The following SAMD3 variants were observed in gnomAD, a reference collection of about 807,000 sequenced individuals.
SAMD3 encodes the protein sterile alpha motif domain containing 3, also known as sterile alpha motif domain-containing protein 3.
A neutral mutation model predicts 58.5 loss-of-function variants in SAMD3; 63 were observed. The observed-to-expected ratio is 1.08, with a 90% CI of 0.88 to 1.33. The LOEUF (loss-of-function observed/expected upper bound fraction) is 1.33. SAMD3 is among the 40% of genes most tolerant of loss of function. The pLI is 0.00. For missense variants in SAMD3, 604 were observed against 608.4 expected (o/e 0.99, Z 0.08); for synonymous variants, 220 against 210.3 (o/e 1.05, Z -0.40).
At chr6:130,213,531 T>C (rs1404046601) in intron 4 of SAMD3, among the ~76,000 whole-genome samples, 1 of 152,090 alleles carries the variant, frequency 6.6e-6, no homozygotes, top group East Asian at 1.9e-4. Flanking sequence ...AAAACATAGA[T>C]TTTATCAATC....
In SAMD3 at chr6:130,203,371, G is replaced by A. The variant is rs954908332; in HGVS notation, c.383+6124C>T. 3.3e-5 allele frequency among the ~76,000 whole-genome samples: 5 copies of A among 152,300 alleles called. No individual in the cohort carries two copies. The East Asian group carries it at 9.6e-4, about 29-fold the overall frequency. ...GTCCAAGGTTACTCAGCTGGTAAAT[G>A]ACAGAGCTAGGGTTTAAAACTAAAC... On this transcript the variant is annotated intron_variant, in intron 5 of 11. Coordinates refer to ENST00000439090, the MANE Select transcript of SAMD3 (RefSeq NM_001017373.4).
At chr6:130,144,074 TC>T, downstream of SAMD3, 1 of 160,456 alleles carries the variant, frequency 6.2e-6, no homozygotes, top group Non-Finnish European at 1.4e-5. Context: ...AGAGTATGTG[TC>T]CCTTCTTGAA....
intron 1 of SAMD3, among the ~76,000 whole-genome samples, chr6:130,222,057 T>G (rs1280325083): frequency 1.3e-5 from 2 of 152,236 alleles, no homozygotes; most frequent in Admixed American, 6.5e-5. Context: ...TGTCATATTA[T>G]TCCCATTTTA....
chr6:130,318,253 T>C (rs1049362693), intron 1 of SAMD3, among the ~76,000 whole-genome samples: 3 of 152,106 alleles, frequency 2.0e-5, no homozygotes, highest in Non-Finnish European at 4.4e-5. Context: ...GCCTGGACTA[T>C]CACTGCTCTG....
At chr6:130,193,493 G>T (rs1301116970) in intron 5 of SAMD3, among the ~76,000 whole-genome samples, 1 of 151,538 alleles carries the variant, frequency 6.6e-6, no homozygotes, top group Non-Finnish European at 1.5e-5. Flanking sequence ...TCTGTGCCCT[G>T]ACCCCTTTCC....
At chr6:130,215,692 G>A in intron 2 of SAMD3, 1 of 1,444,666 alleles carries the variant, frequency 6.9e-7, no homozygotes, top group African/African-American at 1.4e-5. Flanking sequence ...GGAAGTGGTT[G>A]ACATTTACAG....
intron 1 of SAMD3, among the ~76,000 whole-genome samples, chr6:130,345,128 G>C (rs1777404695): frequency 6.6e-6 from 1 of 152,194 alleles, no homozygotes; most frequent in Admixed American, 6.5e-5. Context: ...TTTAATAAAT[G>C]AGTGTGGAGT....
At chr6:130,308,659 A>C (rs1421475070) in intron 2 of SAMD3, among the ~76,000 whole-genome samples, 1 of 152,102 alleles carries the variant, frequency 6.6e-6, no homozygotes, top group African/African-American at 2.4e-5. Flanking sequence ...GCCTCAAATC[A>C]AGGGGAAAAT....
At chr6:130,204,480 G>A (rs75767994) in intron 5 of SAMD3, among the ~76,000 whole-genome samples, 4,271 of 152,142 alleles carry the variant, frequency 0.028, 102 homozygotes, top group African/African-American at 0.061. Flanking sequence ...GGCAGTGCAT[G>A]CCTGCAGTGA....
At chr6:130,249,370 G>GA (rs1337193947) in intron 2 of SAMD3, among the ~76,000 whole-genome samples, 1 of 151,976 alleles carries the variant, frequency 6.6e-6, no homozygotes, top group African/African-American at 2.4e-5. Flanking sequence ...CCTCATTTCT[G>GA]AAAAGAAATG....
At chr6:130,205,444 C>T (rs1204372257) in intron 5 of SAMD3, among the ~76,000 whole-genome samples, 1 of 152,072 alleles carries the variant, frequency 6.6e-6, no homozygotes, top group Non-Finnish European at 1.5e-5. Flanking sequence ...TCTGGGATTA[C>T]AGGTGCATGA....
chr6:130,365,752 T>C, upstream of SAMD3: 1 of 985,548 alleles, frequency 1.0e-6, no homozygotes, highest in Non-Finnish European at 1.2e-6. Flanking sequence ...GGGTTTTGTC[T>C]GCGGGTGATT....
At chr6:130,185,391 C>T (rs564309039) in intron 5 of SAMD3, among the ~76,000 whole-genome samples, 102 of 152,236 alleles carry the variant, frequency 6.7e-4, no homozygotes, top group African/African-American at 2.3e-3. Context: ...TGCAGTGGCA[C>T]GATCTCAGCT....
At chr6:130,180,896 C>A (rs904321421) in intron 7 of SAMD3, among the ~76,000 whole-genome samples, 2 of 150,744 alleles carry the variant, frequency 1.3e-5, no homozygotes, top group African/African-American at 4.9e-5. Flanking sequence ...ATGTAGCATT[C>A]TTTCAACTTT....
intron 4 of SAMD3, among the ~76,000 whole-genome samples, chr6:130,213,287 G>C (rs1424920877): frequency 1.3e-5 from 2 of 151,094 alleles, no homozygotes; most frequent in African/African-American, 4.9e-5. Context: ...GTCAGACTGA[G>C]ACCCATCTCT....
At chr6:130,331,689 A>G (rs1776940002) in intron 1 of SAMD3, among the ~76,000 whole-genome samples, 1 of 152,250 alleles carries the variant, frequency 6.6e-6, no homozygotes, top group Non-Finnish European at 1.5e-5. Flanking sequence ...ATTGCACTCC[A>G]GTCTGGGCAA....
At chr6:130,175,585 G>C (rs1157843545) in intron 8 of SAMD3, among the ~76,000 whole-genome samples, 2 of 152,068 alleles carry the variant, frequency 1.3e-5, no homozygotes, top group African/African-American at 4.8e-5. Context: ...CGAACTTAAG[G>C]GTTTTTTGAA....
At chr6:130,154,350 A>G (rs995791890) in intron 9 of SAMD3, among the ~76,000 whole-genome samples, 1 of 150,764 alleles carries the variant, frequency 6.6e-6, no homozygotes, top group African/African-American at 2.4e-5. Context: ...TGGGCCTCAC[A>G]CCCCACTGAG....
At chr6:130,198,777 C>T (rs928315565) in intron 5 of SAMD3, among the ~76,000 whole-genome samples, 2 of 152,136 alleles carry the variant, frequency 1.3e-5, no homozygotes, top group African/African-American at 4.8e-5. Context: ...TTGAGAATTA[C>T]AAAAAGGTCA....
Sources: gnomAD v4.1 joint callset for allele counts (sites outside exome capture counted in the v4.1 genomes callset) on GRCh38, gnomAD v4.1.1 for gene constraint, MANE v1.5 for transcripts, NCBI Gene and HGNC (gene_info 2026-07-23, HGNC 2026-07-21) for gene names.